ACE: variants seen among roughly 807,000 people sequenced by gnomAD.
ACE encodes angiotensin I converting enzyme, also known as angiotensin-converting enzyme.
In ACE, 122 loss-of-function variants were observed where a neutral mutation model predicts 162.3. That is an observed-to-expected ratio of 0.75 (90% CI 0.65 to 0.87). The LOEUF is 0.87. ACE is among the 40% of genes least tolerant of loss of function. The pLI, the probability that ACE is intolerant of heterozygous loss-of-function variation, is 0.00. For missense variants in ACE, 1,799 were observed against 1,735.1 expected (o/e 1.04, Z -0.65); for synonymous variants, 796 against 720.6 (o/e 1.10, Z -1.68).
chr17:63,483,567 G>GCGGGGCCCCCCCCCCCC lies in ACE; in HGVS notation c.1586+10_1586+11insGGGGCCCCCCCCCCCCC. The GCGGGGCCCCCCCCCCCC allele has an allele frequency of 2.5e-6, 4 of 1,589,534 alleles. No homozygotes were observed. The highest frequency in any genetic ancestry group is 3.4e-6 in the Non-Finnish European group (4 of 1,165,648). ...GTGACACCATACATCAGGTATTAGCGCCCCCACCCCACCCACCCCCAGTAC... is the reference window on the plus strand; with the variant it reads ...GTGACACCATACATCAGGTATTAGCGCGGGGCCCCCCCCCCCCCCCCCACCCCACCCACCCCCAGTAC... On this transcript the variant is annotated intron_variant, in intron 10 of 24. Coordinates refer to ENST00000290866, the MANE Select transcript of ACE (RefSeq NM_000789.4).
chr17:63,494,042 A>G lies in ACE; in HGVS notation c.3257A>G (p.Tyr1086Cys). The G allele has an allele frequency of 1.9e-6, 3 of 1,614,138 alleles. No individual in the cohort carries two copies. Among genetic ancestry groups the G allele is most frequent in the Admixed American group, 1.7e-5 (1 of 60,012 alleles). Reference protein sequence around the residue: ...VFDGSITKENYNQEWWSLRLK... With the variant: ...VFDGSITKENCNQEWWSLRLK... Reference sequence around the variant, plus strand: ...GATGGAAGCATCACCAAGGAGAACTATAACCAGGAGTGGTGGAGCCTCAGG... The same window carrying G: ...GATGGAAGCATCACCAAGGAGAACTGTAACCAGGAGTGGTGGAGCCTCAGG... The change falls in exon 21 of 25, where the codon TAT (tyrosine) becomes TGT (cysteine). Residue 1086 changes from tyrosine to cysteine, a missense_variant. By Grantham distance (194) the Tyr-to-Cys change is radical. Coordinates refer to ENST00000290866, the MANE Select transcript of ACE (RefSeq NM_000789.4).
chr17:63,478,289 C>T (rs2049652125), intron 2 of ACE, 191 bp downstream of exon 2: 3 of 732,302 alleles, frequency 4.1e-6, no homozygotes, highest in Admixed American at 2.9e-5. Flanking sequence ...TGGGGAGTTA[C>T]TTTCTGTTAA....
chr17:63,486,655 G>T lies in ACE; in HGVS notation c.2157G>T (p.Arg719=). The T allele has an allele frequency of 1.2e-6, 2 of 1,614,254 alleles. No individual in the cohort carries two copies. The highest frequency in any genetic ancestry group is 2.7e-5 in the African/African-American group (2 of 75,070). The change falls in exon 14 of 25, where the codon CGG becomes CGT. Residue 719 remains arginine, a synonymous_variant. Transcript: ENST00000290866. ...VNQLQNTTIK[R]IIKKVQDLER... ...AGTTGCAGAACACCACTATCAAGCG[G>T]ATCATAAAGAAGGTTCAGGACCTAG...
chr17:63,478,998 A>G lies in ACE; in HGVS notation c.418-9A>G. On this transcript the variant is annotated splice_polypyrimidine_tract_variant and intron_variant, in intron 2 of 24. Transcript: ENST00000290866. ...GTCACTGGAGCATTCCTCCCCTCTG[A>G]CTCCCCAGTACAACGCCCTGCTAAG... 1.2e-6 allele frequency: 2 copies of G among 1,612,132 alleles called. No homozygotes were observed. The highest frequency in any genetic ancestry group is 1.7e-6 in the Non-Finnish European group (2 of 1,179,102).
At chr17:63,479,673 G>A in intron 3 of ACE, 96 bp from the exon 4 acceptor site, 1 of 1,525,078 alleles carries the variant, frequency 6.6e-7, no homozygotes, top group Non-Finnish European at 9.0e-7. Flanking sequence ...TCAGGAAGCT[G>A]GTGGGAGCAG....
At chr17:63,477,682 C>T in intron 1 of ACE, 2 of 557,124 alleles carry the variant, frequency 3.6e-6, no homozygotes, top group Non-Finnish European at 6.4e-6. Flanking sequence ...CTGCACTGTC[C>T]ATCCACCCTC....
Position 63,498,092 on chromosome 17 carries a change from G to A in ACE, c.*726G>A, listed in dbSNP as rs911077876. The A allele has an allele frequency of 1.8e-5, 2 of 111,884 alleles. No homozygotes were observed. The highest frequency in any genetic ancestry group is 3.6e-5 in the Non-Finnish European group (2 of 55,130). The allele number at this position is 111,884 out of a possible 1,614,324, so 6.9% of individuals were successfully genotyped here. On this transcript the variant is annotated 3_prime_UTR_variant, in exon 25 of 25. Transcript: ENST00000290866. ...TGGCTCCTGCCTGTACCAGCTCCATGACTCTGCTCGGGTGAACAGCCTTGG... is the reference window on the plus strand; with the variant it reads ...TGGCTCCTGCCTGTACCAGCTCCATAACTCTGCTCGGGTGAACAGCCTTGG...
chr17:63,485,435 C>T (rs776668072), intron 13 of ACE, 63 bp downstream of exon 13: 2 of 1,601,840 alleles, frequency 1.2e-6, no homozygotes. Flanking sequence ...TGCTGTCCCG[C>T]TCACCACACA....
At chr17:63,483,220 G>T (rs746918426) in intron 9 of ACE, 47 bp downstream of exon 9, 2 of 1,611,792 alleles carry the variant, frequency 1.2e-6, no homozygotes, top group South Asian at 2.2e-5. Context: ...GCCCTCCCCA[G>T]CCTCCTGGAC....
In ACE at chr17:63,479,120, C is replaced by G; in HGVS notation, c.511+20C>G. The G allele has an allele frequency of 1.3e-6, 2 of 1,590,498 alleles. No homozygotes were observed. The highest frequency in any genetic ancestry group is 1.7e-6 in the Non-Finnish European group (2 of 1,165,882). ...ACCCAGGTACGGCCCTTGCAGCTCC[C>G]CTCTCGGCGGTGCCCTAGTGTTCCC... On this transcript the variant is annotated intron_variant, in intron 3 of 24. Transcript: ENST00000290866.
In ACE at chr17:63,480,507, C is replaced by G. The variant is rs777657188; in HGVS notation, c.826C>G (p.Pro276Ala). 3 of 1,613,878 alleles carry G rather than the reference C, an allele frequency of 1.9e-6. No individual in the cohort carries two copies. The East Asian group carries it at 6.7e-5, about 36-fold the overall frequency. Residue 276 changes from proline to alanine, a missense_variant, in exon 5 of 25, where the codon CCC (proline) becomes GCC (alanine). By Grantham distance (27) the Pro-to-Ala change is conservative. Coordinates refer to ENST00000290866, the MANE Select transcript of ACE (RefSeq NM_000789.4). ...AGACAGATACATCAACCTCAGGGGA[C>G]CCATCCCTGCTCATCTGCTGGGTAA... ...YGDRYINLRG[P>A]IPAHLLGDMW...
Position 63,497,411 on chromosome 17 carries a change from G to C in ACE, c.*45G>C. 6.7e-7 allele frequency: 1 copy of C among 1,503,748 alleles called. No individual in the cohort carries two copies. The highest frequency in any genetic ancestry group is 1.9e-4 in the Middle Eastern group (1 of 5,176). 93.2% of individuals were successfully genotyped at this position (1,503,748 alleles called of 1,614,324 possible). On this transcript the variant is annotated 3_prime_UTR_variant, in exon 25 of 25. Coordinates refer to ENST00000290866, the MANE Select transcript of ACE (RefSeq NM_000789.4). Reference sequence around the variant, plus strand: ...CCCTGCCCAAGGGCCTCCCACCAGAGACTGGGATGGGAACACTGGTGGGCA... The same window carrying C: ...CCCTGCCCAAGGGCCTCCCACCAGACACTGGGATGGGAACACTGGTGGGCA...
rs1477913711 is a variant in ACE at position 63,484,919 on chromosome 17, C to T, written c.1922-317C>T. Reference sequence around the variant, plus strand: ...ACTTCCCAGCCTCCTCTTCCTGCTGCTCTGCTACGGGCACCCTCTGCTGGT... The same window carrying T: ...ACTTCCCAGCCTCCTCTTCCTGCTGTTCTGCTACGGGCACCCTCTGCTGGT... On this transcript the variant is annotated intron_variant, in intron 12 of 24. Transcript: ENST00000290866. This position sits in a 1 kb window ranked among gnomAD's most constrained non-coding sequence, Gnocchi z 4.0. 3 of 1,595,490 alleles carry T rather than the reference C, an allele frequency of 1.9e-6. No individual in the cohort carries two copies. In the Admixed American group the frequency reaches 5.2e-5, roughly 28 times the overall value.
chr17:63,480,785 A>C (rs1230168434), intron 5 of ACE, among the ~76,000 whole-genome samples: 1 of 152,230 alleles, frequency 6.6e-6, no homozygotes, highest in East Asian at 1.9e-4. Flanking sequence ...CCCTGGGTCC[A>C]GTGGGGGAGC....
chr17:63,484,605 G>A lies in ACE; in HGVS notation c.1921+64G>A. 2.6e-6 allele frequency: 4 copies of A among 1,535,138 alleles called. No individual in the cohort carries two copies. The highest frequency in any genetic ancestry group is 2.4e-5 in the East Asian group (1 of 42,232). On this transcript the variant is annotated intron_variant, in intron 12 of 24. Transcript: ENST00000290866. This position sits in a 1 kb window ranked among gnomAD's most constrained non-coding sequence, Gnocchi z 4.0. ...GTCCTCAACTCTGGGCTTGGCCCAG[G>A]CCCCAGGTTCCTGGTCAGCTCCTAC...
chr17:63,480,045 G>A, intron 4 of ACE, 133 bp downstream of exon 4: 1 of 1,407,390 alleles, frequency 7.1e-7, no homozygotes, highest in East Asian at 2.5e-5. Context: ...CCCAGAAAGT[G>A]GAGGTGGGAC....
At chr17:63,482,121 A>T (rs1203924596) in intron 7 of ACE, among the ~76,000 whole-genome samples, 1 of 151,862 alleles carries the variant, frequency 6.6e-6, no homozygotes, top group Non-Finnish European at 1.5e-5. Flanking sequence ...ACATGGCGAA[A>T]CCCCGTCTCT....
chr17:63,496,182 C>G (rs780713440), intron 22 of ACE: 1 of 655,474 alleles, frequency 1.5e-6, no homozygotes, highest in Non-Finnish European at 2.6e-6. Context: ...GAGGCATCTA[C>G]ACAGGCACGG....
Position 63,491,028 on chromosome 17 carries a change from A to G in ACE, c.2716A>G (p.Thr906Ala), listed in dbSNP as rs1274588146. 5 of 1,614,068 alleles carry G rather than the reference A, an allele frequency of 3.1e-6. No homozygotes were observed. The highest frequency in any genetic ancestry group is 4.2e-6 in the Non-Finnish European group (5 of 1,180,038). ...CTTCCCTTCAGCCCCCTCGATGGAC[A>G]CCACAGAGGCTATGCTAAAGCAGGT... Reference protein sequence around the residue: ...VPFPSAPSMDTTEAMLKQGWT... With the variant: ...VPFPSAPSMDATEAMLKQGWT... The change falls in exon 18 of 25, where the codon ACC (threonine) becomes GCC (alanine). Residue 906 changes from threonine (T) to alanine (A), a missense_variant. Coordinates refer to ENST00000290866, the MANE Select transcript of ACE (RefSeq NM_000789.4). The surrounding 1 kb of genome is among the most constrained non-coding windows in gnomAD (Gnocchi z 4.4).
Sources: allele counts gnomAD v4.1 joint callset (sites outside exome capture counted in the v4.1 genomes callset), GRCh38; gene constraint gnomAD v4.1.1; non-coding constraint Gnocchi (gnomAD v3.1); transcripts MANE v1.5; gene names NCBI Gene and HGNC (gene_info 2026-07-23, HGNC 2026-07-21).